Variants in DPP10 observed in about 807,000 individuals in gnomAD.
DPP10 encodes the protein inactive dipeptidyl peptidase 10.
DPP10 carries 33 observed loss-of-function variants against 120.9 expected under a neutral mutation model. The ratio of observed to expected loss-of-function variants is 0.27; its 90% CI spans 0.21 to 0.37. The LOEUF (loss-of-function observed/expected upper bound fraction) is 0.37, where lower values mean the gene tolerates loss of function less well. DPP10 is among the 10% of genes least tolerant of loss of function. DPP10 has a pLI of 1.00. For synonymous variants in DPP10, 337 were observed against 326.1 expected, an observed-to-expected ratio of 1.03 and a Z score of -0.36; for missense variants, 816 against 942.8, an observed-to-expected ratio of 0.87 and a Z score of 1.76.
intron 5 of DPP10, among the ~76,000 whole-genome samples, chr2:115,671,327 T>A (rs940560517): frequency 6.6e-6 from 1 of 151,874 alleles, no homozygotes; most frequent in Non-Finnish European, 1.5e-5. Context: ...TTAAAAAATA[T>A]ATTTTTTGGT....
chr2:114,903,001 A>C (rs1489542350), intron 1 of DPP10, among the ~76,000 whole-genome samples: 1 of 152,106 alleles, frequency 6.6e-6, no homozygotes, highest in Non-Finnish European at 1.5e-5. Context: ...TCTTTTTATT[A>C]TCTCTATAGT....
intron 4 of DPP10, among the ~76,000 whole-genome samples, chr2:115,516,398 C>T (rs1327984998): frequency 2.0e-5 from 3 of 151,892 alleles, no homozygotes; most frequent in African/African-American, 4.8e-5. Context: ...TTTGCTTTGG[C>T]ATGGAAGGGT....
At chr2:115,208,506 C>A (rs2056307352) in intron 1 of DPP10, among the ~76,000 whole-genome samples, 1 of 152,124 alleles carries the variant, frequency 6.6e-6, no homozygotes, top group South Asian at 2.1e-4. Flanking sequence ...TGTTTAATGG[C>A]AGCTTCCTTT....
At position 115,667,748 on chromosome 2, in the gene DPP10, T is replaced by C. The variant is rs181235541; in HGVS notation, c.442-21939T>C. On this transcript the variant is annotated intron_variant, in intron 5 of 25. Coordinates refer to ENST00000410059, the MANE Select transcript of DPP10 (RefSeq NM_020868.6). ...TTTTGGTTACTGCAGCCTTACAGTG[T>C]AGTTTAAAGTTGGGTAATATGATGC... is the stretch of plus-strand genomic sequence containing the variant. Among the ~76,000 whole-genome samples, 603 of 152,236 alleles carry C rather than the reference T, an allele frequency of 4.0e-3. 3 individuals are homozygous for C. Among genetic ancestry groups the C allele is most frequent in the African/African-American group, 0.014 (582 of 41,576 alleles).
intron 7 of DPP10, among the ~76,000 whole-genome samples, chr2:115,707,843 C>T (rs2149557906): frequency 6.6e-6 from 1 of 151,678 alleles, no homozygotes; most frequent in Non-Finnish European, 1.5e-5. Flanking sequence ...TCCCCCAAAA[C>T]AAAAATATCT....
At chr2:115,037,522 C>T (rs555638670) in intron 1 of DPP10, among the ~76,000 whole-genome samples, 78 of 152,228 alleles carry the variant, frequency 5.1e-4, no homozygotes, top group Non-Finnish European at 9.4e-4. Context: ...AAATTGTCCT[C>T]GAGAAGCTTG....
chr2:115,385,575 T>A (rs1018046347), intron 3 of DPP10, among the ~76,000 whole-genome samples: 1 of 152,140 alleles, frequency 6.6e-6, no homozygotes, highest in Non-Finnish European at 1.5e-5. Flanking sequence ...CAGGCTGTTC[T>A]TGAACTCCTG....
chr2:115,181,915 G>A (rs1015998414), intron 1 of DPP10, among the ~76,000 whole-genome samples: 1 of 152,156 alleles, frequency 6.6e-6, no homozygotes, highest in Non-Finnish European at 1.5e-5. Context: ...CATGATGTCA[G>A]TGCTGTATTC....
chr2:115,352,048 A>G (rs959606322), intron 3 of DPP10, among the ~76,000 whole-genome samples: 1 of 152,060 alleles, frequency 6.6e-6, no homozygotes, highest in African/African-American at 2.4e-5. Context: ...AAACACCAAG[A>G]GAGAGAAAAG....
intron 1 of DPP10, among the ~76,000 whole-genome samples, chr2:114,917,353 A>G (rs1484654497): frequency 6.6e-6 from 1 of 152,214 alleles, no homozygotes; most frequent in Non-Finnish European, 1.5e-5. Flanking sequence ...TTCCATGCTC[A>G]TGGATAGGAG....
intron 4 of DPP10, among the ~76,000 whole-genome samples, chr2:115,516,570 CTT>C (rs1261966393): frequency 3.0e-5 from 2 of 65,868 alleles, no homozygotes; most frequent in Non-Finnish European, 5.8e-5. Context: ...CCTTGTTATT[CTT>C]TGTTTTTTTT....
At chr2:115,434,244 T>C (rs2071270761) in intron 3 of DPP10, among the ~76,000 whole-genome samples, 1 of 152,044 alleles carries the variant, frequency 6.6e-6, no homozygotes, top group Admixed American at 6.6e-5. Flanking sequence ...TGTTAATTTA[T>C]AATTGAGAAT....
chr2:114,460,044 T>G (rs1232880546), intron 1 of DPP10, among the ~76,000 whole-genome samples: 2 of 152,228 alleles, frequency 1.3e-5, no homozygotes, highest in Non-Finnish European at 2.9e-5. Context: ...GAAAAATGTC[T>G]TCTATTTTCT....
intron 3 of DPP10, among the ~76,000 whole-genome samples, chr2:115,487,789 TA>T (rs2075857996): frequency 3.4e-4 from 1 of 2,974 alleles, no homozygotes; most frequent in African/African-American, 3.6e-4. Flanking sequence ...GAAGAAAACC[TA>T]GGCATTACCA....
intron 1 of DPP10, among the ~76,000 whole-genome samples, chr2:114,923,541 T>C (rs1695369793): frequency 7.1e-6 from 1 of 141,170 alleles, no homozygotes; most frequent in South Asian, 2.3e-4. Flanking sequence ...TGCAATGGCG[T>C]GATCTCAGCT....
intron 3 of DPP10, among the ~76,000 whole-genome samples, chr2:115,479,072 G>A (rs1351015022): frequency 3.3e-5 from 5 of 152,100 alleles, no homozygotes; most frequent in African/African-American, 9.7e-5. Context: ...CAAATGAATT[G>A]AATGCACGGT....
Position 115,840,816 on chromosome 2 carries a change from C to G in DPP10, c.2249C>G (p.Thr750Ser), listed in dbSNP as rs201639501. 6.2e-5 allele frequency: 100 copies of G among 1,612,492 alleles called. No individual in the cohort carries two copies. Among genetic ancestry groups the G allele is most frequent in the Non-Finnish European group, 8.1e-5 (95 of 1,179,284 alleles). ...KHLIKAGVNY[T>S]MQVYPDEGHN... is the part of the protein sequence containing the mutation. ...CTAATAAAAGCTGGAGTGAATTATA[C>G]TATGCAGGTAAGCTACTTTCTTAGA... is the stretch of plus-strand genomic sequence containing the variant. Residue 750 changes from threonine (T) to serine (S), a missense_variant, in exon 25 of 26, where the codon ACT becomes AGT. By Grantham distance (58) the Thr-to-Ser change is moderately conservative (BLOSUM62 1). Coordinates refer to ENST00000410059, the MANE Select transcript of DPP10 (RefSeq NM_020868.6).
intron 3 of DPP10, among the ~76,000 whole-genome samples, chr2:115,381,812 C>A (rs1001077738): frequency 6.6e-6 from 1 of 151,062 alleles, no homozygotes; most frequent in South Asian, 2.1e-4. Flanking sequence ...GTACCCGGCC[C>A]TGTGAAGTGT....
intron 1 of DPP10, among the ~76,000 whole-genome samples, chr2:115,096,358 T>G (rs1175252580): frequency 6.6e-6 from 1 of 152,182 alleles, no homozygotes; most frequent in African/African-American, 2.4e-5. Context: ...ATATGCACAT[T>G]AAATATATGC....
Sources: allele counts gnomAD v4.1 joint callset (sites outside exome capture counted in the v4.1 genomes callset), GRCh38; gene constraint gnomAD v4.1.1; transcripts MANE v1.5; gene names NCBI Gene and HGNC (gene_info 2026-07-23, HGNC 2026-07-21).